CNNM2: variants seen among roughly 807,000 people sequenced by gnomAD.
CNNM2 encodes metal transporter CNNM2.
A neutral mutation model predicts 66.9 loss-of-function variants in CNNM2; 12 were observed. The ratio of observed to expected loss-of-function variants is 0.18; its 90% CI spans 0.11 to 0.29. The LOEUF is 0.29. Among genes scored for constraint, CNNM2 ranks in the 10% least tolerant of loss-of-function variants. The pLI is 1.00. For missense variants in CNNM2, 705 were observed against 1,167.7 expected (o/e 0.60, Z 5.77); for synonymous variants, 557 against 501.8 (o/e 1.11, Z -1.47).
chr10:102,950,357 AAAT>A (rs1356375612), intron 1 of CNNM2, among the ~76,000 whole-genome samples: 1 of 152,228 alleles, frequency 6.6e-6, no homozygotes, highest in Non-Finnish European at 1.5e-5. Context: ...TCACTTGTGG[AAAT>A]AATATGAGAA....
rs766930033 is a variant in CNNM2 at position 103,049,703 on chromosome 10, A to G, written c.1622-4A>G. 6.2e-7 allele frequency: 1 copy of G among 1,611,114 alleles called. No homozygotes were observed. Among genetic ancestry groups the G allele is most frequent in the Non-Finnish European group, 8.5e-7 (1 of 1,178,860 alleles). The stretch of plus-strand genomic sequence containing the variant: ...ACTTCCTAAACTTTTTCTTGTCTCT[A>G]AAGGTAAATCTCACCTGGCTATCGT... On this transcript the variant is annotated splice_region_variant and splice_polypyrimidine_tract_variant and intron_variant, in intron 1 of 7. Coordinates refer to ENST00000369878, the MANE Select transcript of CNNM2 (RefSeq NM_017649.5).
intron 1 of CNNM2, among the ~76,000 whole-genome samples, chr10:102,955,219 C>T (rs1339726373): frequency 2.0e-5 from 3 of 152,128 alleles, no homozygotes; most frequent in Admixed American, 1.3e-4. Context: ...TCAGAAATAA[C>T]ACCACACATC....
At chr10:102,988,345 A>T (rs1415387616) in intron 1 of CNNM2, among the ~76,000 whole-genome samples, 1 of 152,114 alleles carries the variant, frequency 6.6e-6, no homozygotes, top group Non-Finnish European at 1.5e-5. Context: ...GGACAAAGAT[A>T]GGGTCTCAAG....
rs1019965850 is a variant in CNNM2, at chr10:103,054,360, C to G, written c.1797C>G (p.His599Gln). 4 of 1,613,932 alleles carry G rather than the reference C, an allele frequency of 2.5e-6. No homozygotes were observed. Among genetic ancestry groups the G allele is most frequent in the Non-Finnish European group, 3.4e-6 (4 of 1,179,860 alleles). The change falls in exon 3 of 8, where the codon CAC becomes CAG. Residue 599 changes from histidine to glutamine, a missense_variant. By Grantham distance (24) the His-to-Gln change is conservative. Transcript: ENST00000369878. The surrounding 1 kb of genome is among the most constrained non-coding windows in gnomAD (Gnocchi z 5.2). ...TDNRTKKKVA[H>Q]RERKQDFSAF... ...ACAGAACGAAAAAGAAAGTGGCTCACCGGGAACGAAAGCAAGATTTTTCTG... is the reference window on the plus strand; with the variant it reads ...ACAGAACGAAAAAGAAAGTGGCTCAGCGGGAACGAAAGCAAGATTTTTCTG...
Position 102,918,717 on chromosome 10 carries a change from G to A in CNNM2, c.237G>A (p.Leu79=), listed in dbSNP as rs777820126. The A allele has an allele frequency of 5.1e-6, 8 of 1,571,106 alleles. No individual in the cohort carries two copies. In the South Asian group the frequency reaches 9.4e-5, roughly 18 times the overall value. ...NEETVIIGLR[L]EDTNDVSFME... is the part of the protein sequence containing the mutation. ...AGACGGTGATCATCGGGCTGCGACTGGAGGACACGAACGACGTGTCGTTCA... is the reference window on the plus strand; with the variant it reads ...AGACGGTGATCATCGGGCTGCGACTAGAGGACACGAACGACGTGTCGTTCA... The change falls in exon 1 of 8, where the codon CTG becomes CTA. Residue 79 remains leucine (L), a synonymous_variant. Transcript: ENST00000369878. The surrounding 1 kb of genome is among the most constrained non-coding windows in gnomAD (Gnocchi z 4.1).
intron 1 of CNNM2, among the ~76,000 whole-genome samples, chr10:103,038,202 C>T (rs901395471): frequency 5.9e-5 from 9 of 152,116 alleles, no homozygotes; most frequent in African/African-American, 2.2e-4. Context: ...TTGAGGGTAA[C>T]CATACCTTTC....
intron 1 of CNNM2, among the ~76,000 whole-genome samples, chr10:102,924,085 A>T (rs187689104): frequency 2.0e-4 from 30 of 152,356 alleles, no homozygotes; most frequent in African/African-American, 7.0e-4. Flanking sequence ...GTAGTTACTT[A>T]CAAGTCTAAA....
chr10:103,086,328 GAATTGGAGCGTTAACTGTATGGCA>G lies in CNNM2; in HGVS notation c.*9150_*9173del, dbSNP rs1226615807. On this transcript the variant is annotated 3_prime_UTR_variant, in exon 8 of 8. Transcript: ENST00000369878. ...GCCCTAAACTACTAAGCCCAGTGAGGAATTGGAGCGTTAACTGTATGGCAATAGCTAGATCATAGTTACCATTTT... is the reference window on the plus strand; with the variant it reads ...GCCCTAAACTACTAAGCCCAGTGAGGATAGCTAGATCATAGTTACCATTTT... 1.3e-5 allele frequency: 2 copies of G among 152,202 alleles called. No homozygotes were observed. Among genetic ancestry groups the G allele is most frequent in the African/African-American group, 4.8e-5 (2 of 41,430 alleles). The allele number at this position is 152,202 out of a possible 1,614,324, so 9.4% of individuals were successfully genotyped here.
At chr10:102,945,414 A>T (rs2134184416) in intron 1 of CNNM2, among the ~76,000 whole-genome samples, 1 of 152,346 alleles carries the variant, frequency 6.6e-6, no homozygotes, top group East Asian at 1.9e-4. Flanking sequence ...CAAAACAAAT[A>T]CAGTATAATC....
At chr10:102,973,727 C>G (rs993427036) in intron 1 of CNNM2, among the ~76,000 whole-genome samples, 2 of 152,066 alleles carry the variant, frequency 1.3e-5, no homozygotes, top group African/African-American at 4.8e-5. Flanking sequence ...CATTTTAGAC[C>G]CTTTGAATGA....
At chr10:102,988,157 C>T (rs545693564) in intron 1 of CNNM2, among the ~76,000 whole-genome samples, 22 of 152,090 alleles carry the variant, frequency 1.4e-4, no homozygotes, top group Admixed American at 1.1e-3. Flanking sequence ...AAAAACTTAG[C>T]CGGGAGTGGT....
Position 103,081,599 on chromosome 10 carries a change from T to G in CNNM2, c.*4419T>G, listed in dbSNP as rs1230772622. The G allele has an allele frequency of 6.6e-6, 1 of 152,220 alleles. No individual in the cohort carries two copies. Among genetic ancestry groups the G allele is most frequent in the African/African-American group, 2.4e-5 (1 of 41,458 alleles). 9.4% of individuals were successfully genotyped at this position (152,220 alleles called of 1,614,324 possible). A position where few individuals can be genotyped will look rare whatever the true frequency, so the allele number is the denominator to read the frequency against. On this transcript the variant is annotated 3_prime_UTR_variant, in exon 8 of 8. Coordinates refer to ENST00000369878, the MANE Select transcript of CNNM2 (RefSeq NM_017649.5). The stretch of plus-strand genomic sequence containing the variant: ...TAGGAGAGAGACGTTCAGAGACTTC[T>G]AAGTTGAGGTTCATTTGCCTCCGTT...
intron 1 of CNNM2, among the ~76,000 whole-genome samples, chr10:103,012,161 G>A (rs973501703): frequency 1.7e-4 from 26 of 152,132 alleles, no homozygotes; most frequent in Admixed American, 6.6e-4. Context: ...ATCATTTTAT[G>A]CTTATGTAAG....
At chr10:102,968,708 A>G (rs1472062201) in intron 1 of CNNM2, among the ~76,000 whole-genome samples, 1 of 150,426 alleles carries the variant, frequency 6.6e-6, no homozygotes, top group African/African-American at 2.5e-5. Context: ...GGCTCAAGTG[A>G]TCCTTCCGCC....
Position 103,080,476 on chromosome 10 carries a change from T to C in CNNM2, c.*3296T>C, listed in dbSNP as rs181987809. On this transcript the variant is annotated 3_prime_UTR_variant, in exon 8 of 8. Transcript: ENST00000369878. ...GGTGCTAATCAACTGGCTTAAATCT[T>C]GATTCTTACATAATTTGAACTTGAA... 7 of 152,374 alleles carry C rather than the reference T, an allele frequency of 4.6e-5. No homozygotes were observed. The East Asian group carries it at 1.3e-3, about 29-fold the overall frequency. The allele number at this position is 152,374 out of a possible 1,614,324, so 9.4% of individuals were successfully genotyped here.
chr10:102,972,111 A>G (rs895293038), intron 1 of CNNM2, among the ~76,000 whole-genome samples: 2 of 152,158 alleles, frequency 1.3e-5, no homozygotes, highest in East Asian at 1.9e-4. Context: ...AGATCTGTCA[A>G]ACATTTATAG....
chr10:102,987,955 C>T (rs555734025), intron 1 of CNNM2, among the ~76,000 whole-genome samples: 208 of 152,250 alleles, frequency 1.4e-3, no homozygotes, highest in Non-Finnish European at 2.4e-3. Context: ...GCAGATAATT[C>T]TGGAGACCTG....
intron 6 of CNNM2, among the ~76,000 whole-genome samples, chr10:103,074,839 G>T (rs1189931209): frequency 6.6e-6 from 1 of 151,926 alleles, no homozygotes; most frequent in Non-Finnish European, 1.5e-5. Context: ...GTCTCAAAAA[G>T]AAAAAAATAT....
chr10:102,938,619 C>CAAAAAAA (rs10596673), intron 1 of CNNM2, among the ~76,000 whole-genome samples: 4 of 63,674 alleles, frequency 6.3e-5, no homozygotes, highest in Non-Finnish European at 8.2e-5. Context: ...GACCCTGTCT[C>CAAAAAAA]AAAAAAAAAA....
Sources: allele counts gnomAD v4.1 joint callset (sites outside exome capture counted in the v4.1 genomes callset), GRCh38; gene constraint gnomAD v4.1.1; non-coding constraint Gnocchi (gnomAD v3.1); transcripts MANE v1.5; gene names NCBI Gene and HGNC (gene_info 2026-07-23, HGNC 2026-07-21).